MSI2: variants seen among roughly 807,000 people sequenced by gnomAD.
MSI2 encodes the protein musashi RNA binding protein 2, also known as RNA-binding protein Musashi homolog 2.
In MSI2, 17 loss-of-function variants were observed where a neutral mutation model predicts 45.6. The ratio of observed to expected loss-of-function variants is 0.37; its 90% CI spans 0.26 to 0.56. MSI2 has a LOEUF of 0.56. Ranked by LOEUF, MSI2 falls within the 20% of genes least tolerant of loss-of-function variation. The pLI is 0.77. For synonymous variants in MSI2, 156 were observed against 158.2 expected (o/e 0.99, Z 0.11); for missense variants, 293 against 444.2 (o/e 0.66, Z 3.06).
chr17:57,543,957 G>A (rs1045594477), intron 7 of MSI2, among the ~76,000 whole-genome samples: 1 of 152,158 alleles, frequency 6.6e-6, no homozygotes, highest in African/African-American at 2.4e-5. Context: ...TTGCAGGTAG[G>A]CCCCAGAGAG....
chr17:57,638,328 G>C (rs1046647610), intron 10 of MSI2, among the ~76,000 whole-genome samples: 3 of 152,308 alleles, frequency 2.0e-5, no homozygotes, highest in Non-Finnish European at 2.9e-5. Context: ...TGGGGCAAAG[G>C]CACATTCTCT....
chr17:57,348,158 A>C (rs568008231), intron 5 of MSI2, among the ~76,000 whole-genome samples: 4 of 152,224 alleles, frequency 2.6e-5, no homozygotes, highest in Non-Finnish European at 5.9e-5. Flanking sequence ...GCACCTTCCT[A>C]GTGGTACAAG....
At chr17:57,598,219 A>G (rs1366672080) in intron 8 of MSI2, among the ~76,000 whole-genome samples, 1 of 152,224 alleles carries the variant, frequency 6.6e-6, no homozygotes, top group Non-Finnish European at 1.5e-5. Flanking sequence ...CTGTGTTTCA[A>G]TTGCAGCTGT....
intron 5 of MSI2, among the ~76,000 whole-genome samples, chr17:57,323,446 C>G (rs1913512381): frequency 6.6e-6 from 1 of 152,252 alleles, no homozygotes; most frequent in Non-Finnish European, 1.5e-5. Flanking sequence ...CGGGGGTCCG[C>G]TGGGCACTTG....
intron 7 of MSI2, among the ~76,000 whole-genome samples, chr17:57,584,477 C>T (rs575854951): frequency 3.9e-4 from 59 of 152,278 alleles, no homozygotes; most frequent in African/African-American, 1.3e-3. Flanking sequence ...GAATGACCCC[C>T]CTGTGGGGGG....
chr17:57,381,880 T>A (rs182645033), intron 5 of MSI2, among the ~76,000 whole-genome samples: 115 of 152,368 alleles, frequency 7.5e-4, no homozygotes, highest in African/African-American at 2.6e-3. Flanking sequence ...CTTTGCCTAT[T>A]TTCCACGCAA....
In MSI2 at chr17:57,529,490, A is replaced by G. The variant is rs2086776086; in HGVS notation, c.406-186A>G. ...CTATATAAAATGTTAACTGTATACA[A>G]CGGTGTGGAGTGGAAAGACCACTGT... On this transcript the variant is annotated intron_variant, in intron 6 of 13. Coordinates refer to ENST00000284073, the MANE Select transcript of MSI2 (RefSeq NM_138962.4). The surrounding 1 kb of genome is among the most constrained non-coding windows in gnomAD (Gnocchi z 5.3). Among the ~76,000 whole-genome samples the G allele has an allele frequency of 6.7e-6, 1 of 149,124 alleles. No individual in the cohort carries two copies. Among genetic ancestry groups the G allele is most frequent in the Non-Finnish European group, 1.5e-5 (1 of 67,720 alleles).
intron 11 of MSI2, among the ~76,000 whole-genome samples, chr17:57,655,332 C>T (rs1207175785): frequency 6.6e-6 from 1 of 152,158 alleles, no homozygotes; most frequent in Non-Finnish European, 1.5e-5. Flanking sequence ...TTCCAGTGGC[C>T]CCATCATGTC....
chr17:57,660,076 T>C (rs1188519628), intron 11 of MSI2, among the ~76,000 whole-genome samples: 1 of 152,218 alleles, frequency 6.6e-6, no homozygotes, highest in Non-Finnish European at 1.5e-5. Context: ...TTGGCTGACA[T>C]CCTGGAAGCT....
chr17:57,258,783 C>T (rs1907049253), intron 4 of MSI2, among the ~76,000 whole-genome samples: 1 of 152,070 alleles, frequency 6.6e-6, no homozygotes, highest in African/African-American at 2.4e-5. Context: ...GGGGAGAGGG[C>T]GCTAATTACA....
chr17:57,399,737 C>T (rs747603166), intron 5 of MSI2, among the ~76,000 whole-genome samples: 4 of 152,188 alleles, frequency 2.6e-5, no homozygotes, highest in Non-Finnish European at 5.9e-5. Flanking sequence ...TCATGGGAAT[C>T]GGGCATTAGG....
intron 6 of MSI2, chr17:57,444,616 A>T (rs1357171387): frequency 2.0e-5 from 3 of 152,156 alleles, no homozygotes; most frequent in Admixed American, 6.6e-5. Context: ...CACGGAGAAG[A>T]TGCCCAGAGC....
chr17:57,627,669 G>A lies in MSI2; in HGVS notation c.727+366G>A, dbSNP rs763860705. ...TTTCACCCTCTACCACCCCTTGCCC[G>A]CCTCCCCGCTCCCTGTGTCCACCTG... is the stretch of plus-strand genomic sequence containing the variant. On this transcript the variant is annotated intron_variant, in intron 10 of 13. Transcript: ENST00000284073. This position sits in a 1 kb window ranked among gnomAD's most constrained non-coding sequence, Gnocchi z 4.6. 6.9e-6 allele frequency: 2 copies of A among 289,222 alleles called. No individual in the cohort carries two copies. The highest frequency in any genetic ancestry group is 4.4e-5 in the South Asian group (1 of 22,772). 17.9% of individuals were successfully genotyped at this position (289,222 alleles called of 1,614,324 possible).
intron 7 of MSI2, among the ~76,000 whole-genome samples, chr17:57,550,234 C>A (rs750862546): frequency 1.3e-5 from 2 of 152,194 alleles, no homozygotes; most frequent in Non-Finnish European, 1.5e-5. Flanking sequence ...GTGGCTCCGG[C>A]TGGCAGCAGG....
chr17:57,652,284 AG>A lies in MSI2; in HGVS notation c.790+128del. Reference sequence around the variant, plus strand: ...CACCACTCTCACCACAGCCCCGGGGAGGGGGTGGACGGGGAGGGGGTGGACC... The same window carrying A: ...CACCACTCTCACCACAGCCCCGGGGAGGGGTGGACGGGGAGGGGGTGGACC... On this transcript the variant is annotated intron_variant, in intron 11 of 13. Transcript: ENST00000284073. This position sits in a 1 kb window ranked among gnomAD's most constrained non-coding sequence, Gnocchi z 4.1. 1.0e-6 allele frequency: 1 copy of A among 963,172 alleles called. No individual in the cohort carries two copies. Among genetic ancestry groups the A allele is most frequent in the Non-Finnish European group, 1.5e-6 (1 of 649,724 alleles). 59.7% of individuals were successfully genotyped at this position (963,172 alleles called of 1,614,324 possible). A position where few individuals can be genotyped will look rare whatever the true frequency, so the allele number is the denominator to read the frequency against.
chr17:57,465,291 A>G (rs936227423), intron 6 of MSI2, among the ~76,000 whole-genome samples: 4 of 152,152 alleles, frequency 2.6e-5, no homozygotes, highest in African/African-American at 9.6e-5. Context: ...GCAAAACCCC[A>G]TCTCTACTTA....
At chr17:57,526,859 G>A (rs373632250) in intron 6 of MSI2, among the ~76,000 whole-genome samples, 2 of 151,904 alleles carry the variant, frequency 1.3e-5, no homozygotes, top group African/African-American at 2.4e-5. Context: ...AGGTCTTTGC[G>A]AGCCCCATTG....
chr17:57,350,056 G>A (rs1915891103), intron 5 of MSI2, among the ~76,000 whole-genome samples: 1 of 152,198 alleles, frequency 6.6e-6, no homozygotes, highest in East Asian at 1.9e-4. Context: ...CTGGCGCTGT[G>A]TGAATTATAA....
chr17:57,616,273 G>A, intron 9 of MSI2, 189 bp downstream of exon 9: 1 of 553,426 alleles, frequency 1.8e-6, no homozygotes. Flanking sequence ...GTGTGTGTGT[G>A]TGCATGCATG....
Sources: allele counts gnomAD v4.1 joint callset (sites outside exome capture counted in the v4.1 genomes callset), GRCh38; gene constraint gnomAD v4.1.1; non-coding constraint Gnocchi (gnomAD v3.1); transcripts MANE v1.5; gene names NCBI Gene and HGNC (gene_info 2026-07-23, HGNC 2026-07-21).